Variants in TEAD1 observed in about 807,000 individuals in gnomAD.
TEAD1 encodes the protein TEA domain transcription factor 1, also known as transcriptional enhancer factor TEF-1.
In TEAD1, 9 loss-of-function variants were observed where a neutral mutation model predicts 54.9. That is an observed-to-expected ratio of 0.16 (90% CI 0.10 to 0.29). The LOEUF (loss-of-function observed/expected upper bound fraction) is 0.29, where lower values mean the gene tolerates loss of function less well. Ranked by LOEUF, TEAD1 falls within the 10% of genes least tolerant of loss-of-function variation. The pLI is 1.00. For synonymous variants in TEAD1, 200 were observed against 187.8 expected (o/e 1.07, Z -0.53); for missense variants, 387 against 535.9 (o/e 0.72, Z 2.74).
At chr11:12,759,902 A>G (rs1039632095) in intron 2 of TEAD1, among the ~76,000 whole-genome samples, 14 of 152,308 alleles carry the variant, frequency 9.2e-5, no homozygotes, top group South Asian at 4.2e-4. Context: ...AGACTTTTCT[A>G]TTCTCTTTCC....
intron 2 of TEAD1, among the ~76,000 whole-genome samples, chr11:12,762,881 G>C (rs781489145): frequency 6.6e-6 from 1 of 152,126 alleles, no homozygotes; most frequent in Non-Finnish European, 1.5e-5. Context: ...CTGGTGCCAG[G>C]TGTGGCCACC....
intron 2 of TEAD1, among the ~76,000 whole-genome samples, chr11:12,738,190 T>A (rs981747084): frequency 1.3e-5 from 2 of 152,140 alleles, no homozygotes; most frequent in Non-Finnish European, 2.9e-5. Context: ...TTAAGTAATT[T>A]ATATGGCAGA....
intron 3 of TEAD1, chr11:12,851,130 C>T (rs1267267000): frequency 6.2e-6 from 6 of 968,174 alleles, no homozygotes; most frequent in African/African-American, 1.8e-5. Context: ...GAGCGAGACA[C>T]GGAAAGAAAA....
At chr11:12,888,630 C>T (rs967663527) in intron 9 of TEAD1, among the ~76,000 whole-genome samples, 1 of 152,192 alleles carries the variant, frequency 6.6e-6, no homozygotes, top group African/African-American at 2.4e-5. Context: ...CTCGTTGGCT[C>T]ACCACATATG....
chr11:12,710,793 G>C (rs982515918), intron 2 of TEAD1, among the ~76,000 whole-genome samples: 5 of 152,170 alleles, frequency 3.3e-5, no homozygotes, highest in Middle Eastern at 3.4e-3. Flanking sequence ...GATAATGGCA[G>C]GTGGGTTGTT....
At chr11:12,834,442 A>T (rs1218609819) in intron 3 of TEAD1, among the ~76,000 whole-genome samples, 1 of 152,196 alleles carries the variant, frequency 6.6e-6, no homozygotes, top group Non-Finnish European at 1.5e-5. Context: ...GTTTTGAGTG[A>T]GCTCCTTAAT....
chr11:12,789,553 A>G (rs907810054), intron 3 of TEAD1, among the ~76,000 whole-genome samples: 1 of 152,210 alleles, frequency 6.6e-6, no homozygotes, highest in Non-Finnish European at 1.5e-5. Context: ...CAGACAAGAA[A>G]GAGTTTGGCT....
intron 5 of TEAD1, 73 bp from the exon 6 acceptor site, chr11:12,879,635 T>C (rs1468832475): frequency 2.5e-6 from 4 of 1,596,172 alleles, no homozygotes; most frequent in Non-Finnish European, 3.4e-6. Context: ...CATGTGCTCG[T>C]GGCTGTGCCT....
chr11:12,717,134 A>G (rs1488612181), intron 2 of TEAD1, among the ~76,000 whole-genome samples: 1 of 152,270 alleles, frequency 6.6e-6, no homozygotes, highest in Admixed American at 6.5e-5. Context: ...TAATGAATGT[A>G]GTTATACTGA....
Position 12,883,024 on chromosome 11 carries a change from G to A in TEAD1, c.598G>A (p.Ala200Thr), listed in dbSNP as rs1486457113. The A allele has an allele frequency of 8.1e-6, 13 of 1,614,026 alleles. No individual in the cohort carries two copies. Among genetic ancestry groups the A allele is most frequent in the Admixed American group, 5.0e-5 (3 of 60,006 alleles). Reference sequence around the variant, plus strand: ...AGGGTTTGAGCCTGCATCGGCCCCAGCTCCCTCAGTCCCTGCCTGGCAAGG... The same window carrying A: ...AGGGTTTGAGCCTGCATCGGCCCCAACTCCCTCAGTCCCTGCCTGGCAAGG... The change falls in exon 9 of 13, where the codon GCT (alanine) becomes ACT (threonine). Residue 200 changes from alanine to threonine, a missense_variant. Ala to Thr is a moderately conservative substitution (Grantham distance 58, BLOSUM62 0). Transcript: ENST00000527636.
At chr11:12,813,521 G>A (rs1215719759) in intron 3 of TEAD1, among the ~76,000 whole-genome samples, 1 of 152,182 alleles carries the variant, frequency 6.6e-6, no homozygotes, top group African/African-American at 2.4e-5. Context: ...TTTTACAGTG[G>A]TGCTTTTGAT....
intron 5 of TEAD1, 144 bp downstream of exon 5, chr11:12,865,044 ATC>A (rs1202143155): frequency 3.2e-6 from 3 of 930,490 alleles, no homozygotes; most frequent in African/African-American, 1.6e-5. Flanking sequence ...TTTGTGTTTA[ATC>A]TCTCTGTTTC....
intron 3 of TEAD1, among the ~76,000 whole-genome samples, chr11:12,856,971 T>G (rs1276279860): frequency 1.3e-5 from 2 of 152,240 alleles, no homozygotes; most frequent in African/African-American, 4.8e-5. Flanking sequence ...CCACAGACCT[T>G]CATTTGCTGT....
At chr11:12,794,069 A>C (rs1049656454) in intron 3 of TEAD1, among the ~76,000 whole-genome samples, 6 of 152,246 alleles carry the variant, frequency 3.9e-5, no homozygotes, top group Admixed American at 1.3e-4. Flanking sequence ...TGCTTTGGCT[A>C]ACTCTGATAG....
intron 5 of TEAD1, among the ~76,000 whole-genome samples, chr11:12,876,886 G>A (rs186708286): frequency 6.6e-6 from 1 of 152,298 alleles, no homozygotes; most frequent in East Asian, 1.9e-4. Context: ...CCTCTGAGGG[G>A]ATGGACAAGC....
chr11:12,814,394 C>T (rs7930282), intron 3 of TEAD1, among the ~76,000 whole-genome samples: 55,712 of 151,920 alleles, frequency 0.37, 10,743 homozygotes, highest in South Asian at 0.61. Context: ...CCTTTGGCAG[C>T]GCTGAAGGAA....
intron 12 of TEAD1, among the ~76,000 whole-genome samples, chr11:12,932,133 A>G (rs776646094): frequency 7.2e-5 from 11 of 152,264 alleles, no homozygotes; most frequent in Non-Finnish European, 1.2e-4. Context: ...TCTAAAATTT[A>G]GAAGCCAGCA....
At chr11:12,912,174 T>C (rs1376201827) in intron 10 of TEAD1, among the ~76,000 whole-genome samples, 2 of 152,124 alleles carry the variant, frequency 1.3e-5, no homozygotes, top group Non-Finnish European at 2.9e-5. Flanking sequence ...AGAAAGTCAT[T>C]CAACAAACAT....
Position 12,937,356 on chromosome 11 carries a change from C to T in TEAD1, c.*134C>T. On this transcript the variant is annotated 3_prime_UTR_variant, in exon 13 of 13. Transcript: ENST00000527636. The stretch of plus-strand genomic sequence containing the variant: ...GTGGTGCCCTGGCCCCGAGGTCACC[C>T]CGACTTTTCTAAATCTTGTTTGAGT... 1.5e-6 allele frequency: 1 copy of T among 678,158 alleles called. No homozygotes were observed. Among genetic ancestry groups the T allele is most frequent in the South Asian group, 1.9e-5 (1 of 52,756 alleles). The allele number at this position is 678,158 out of a possible 1,614,324, so 42.0% of individuals were successfully genotyped here.
Sources: gnomAD v4.1 joint callset for allele counts (sites outside exome capture counted in the v4.1 genomes callset) on GRCh38, gnomAD v4.1.1 for gene constraint, MANE v1.5 for transcripts, NCBI Gene and HGNC (gene_info 2026-07-23, HGNC 2026-07-21) for gene names.